PRDM16: variants seen among roughly 807,000 people sequenced by gnomAD.
PRDM16 encodes the protein PR/SET domain 16.
Under a neutral mutation model 110.6 loss-of-function variants are expected in PRDM16, and 23 were observed. That is an observed-to-expected ratio of 0.21 (90% CI 0.15 to 0.29). The LOEUF is 0.29. Ranked by LOEUF, PRDM16 falls within the 10% of genes least tolerant of loss-of-function variation. PRDM16 has a pLI of 1.00. For synonymous variants in PRDM16, 799 were observed against 781.8 expected, an observed-to-expected ratio of 1.02 and a Z score of -0.37; for missense variants, 1,615 against 1,794.3, an observed-to-expected ratio of 0.90 and a Z score of 1.81.
chr1:3,195,090 G>A (rs937895815), intron 2 of PRDM16, among the ~76,000 whole-genome samples: 16 of 152,312 alleles, frequency 1.1e-4, no homozygotes, highest in African/African-American at 2.2e-4. Flanking sequence ...CGGGCAGCTC[G>A]GCGAGGCACA....
In PRDM16 at chr1:3,436,785, C is replaced by T. The variant is rs898909618; in HGVS notation, c.*2974C>T. The T allele has an allele frequency of 6.0e-5, 14 of 233,046 alleles. No individual in the cohort carries two copies. The highest frequency in any genetic ancestry group is 2.6e-4 in the African/African-American group (12 of 45,332). The allele number at this position is 233,046 out of a possible 1,614,324, so 14.4% of individuals were successfully genotyped here. On this transcript the variant is annotated 3_prime_UTR_variant, in exon 17 of 17. Coordinates refer to ENST00000270722, the MANE Select transcript of PRDM16 (RefSeq NM_022114.4). Reference sequence around the variant, plus strand: ...CTGTGCAGCATGGACAGGGATGCGACGGGGCAGCTGGCTGTGTCCATGGCC... The same window carrying T: ...CTGTGCAGCATGGACAGGGATGCGATGGGGCAGCTGGCTGTGTCCATGGCC...
chr1:3,346,744 C>T (rs950286186), intron 3 of PRDM16, among the ~76,000 whole-genome samples: 9 of 152,186 alleles, frequency 5.9e-5, no homozygotes, highest in South Asian at 2.1e-4. Context: ...GCACCCACCC[C>T]ACTGTGAGGT....
At chr1:3,383,787 C>T (rs1643147562) in intron 3 of PRDM16, among the ~76,000 whole-genome samples, 1 of 152,124 alleles carries the variant, frequency 6.6e-6, no homozygotes, top group African/African-American at 2.4e-5. Flanking sequence ...GTCCTTGTGA[C>T]TCCCTTATCC....
intron 3 of PRDM16, among the ~76,000 whole-genome samples, chr1:3,326,746 G>A (rs1199810313): frequency 2.0e-5 from 3 of 152,236 alleles, no homozygotes; most frequent in Non-Finnish European, 4.4e-5. Flanking sequence ...TCTGGCAGTC[G>A]TCTCTCTGGA....
intron 3 of PRDM16, among the ~76,000 whole-genome samples, chr1:3,349,706 C>T (rs370941037): frequency 3.6e-4 from 55 of 152,142 alleles, no homozygotes; most frequent in Admixed American, 1.0e-3. Flanking sequence ...CAATGCACCC[C>T]GGCTTCCTGC....
chr1:3,186,701 C>G (rs370234515), intron 2 of PRDM16: 1 of 463,370 alleles, frequency 2.2e-6, no homozygotes, highest in Non-Finnish European at 3.8e-6. Flanking sequence ...CACGCCCACT[C>G]TCTCCCGGAA....
At chr1:3,340,270 C>T (rs898161595) in intron 3 of PRDM16, among the ~76,000 whole-genome samples, 7 of 152,100 alleles carry the variant, frequency 4.6e-5, no homozygotes, top group African/African-American at 1.7e-4. Context: ...CGAGCCCACC[C>T]TCCAAGCCAC....
chr1:3,149,018 C>T (rs984447731), intron 1 of PRDM16, among the ~76,000 whole-genome samples: 2 of 152,152 alleles, frequency 1.3e-5, no homozygotes, highest in Non-Finnish European at 2.9e-5. Context: ...TTTGGCCACC[C>T]CGGCTTCTGT....
intron 1 of PRDM16, among the ~76,000 whole-genome samples, chr1:3,083,585 C>T (rs1249121693): frequency 3.3e-5 from 3 of 91,264 alleles, no homozygotes; most frequent in East Asian, 4.4e-4. Context: ...GGACACACAG[C>T]GCCTGCTGTC....
At chr1:3,261,127 G>GA (rs36004351) in intron 3 of PRDM16, among the ~76,000 whole-genome samples, 98,966 of 139,298 alleles carry the variant, frequency 0.71, 35,962 homozygotes, top group Non-Finnish European at 0.8. Flanking sequence ...GCATTAACAA[G>GA]AAAAAAAAAA....
At chr1:3,361,329 G>A (rs1041799831) in intron 3 of PRDM16, among the ~76,000 whole-genome samples, 7 of 152,188 alleles carry the variant, frequency 4.6e-5, no homozygotes, top group Non-Finnish European at 7.3e-5. Context: ...TGTTGAAGCC[G>A]TCCAGGACCC....
At chr1:3,147,514 C>T (rs1044619059) in intron 1 of PRDM16, among the ~76,000 whole-genome samples, 3 of 152,104 alleles carry the variant, frequency 2.0e-5, no homozygotes, top group African/African-American at 4.8e-5. Flanking sequence ...GCTATTTCTG[C>T]TGTCTTCTCT....
At position 3,257,120 on chromosome 1, in the gene PRDM16, G is replaced by A. The variant is rs1354169919; in HGVS notation, c.438+12983G>A. On this transcript the variant is annotated intron_variant, in intron 3 of 16. Coordinates refer to ENST00000270722, the MANE Select transcript of PRDM16 (RefSeq NM_022114.4). ...CTGCAGCAAACACTCAGTAAGTGGC[G>A]AAGGTAGTCAATGAACACTGGTAGT... 4.6e-5 allele frequency among the ~76,000 whole-genome samples: 7 copies of A among 152,222 alleles called. No individual in the cohort carries two copies. The East Asian group carries it at 9.6e-4, about 21-fold the overall frequency.
intron 3 of PRDM16, among the ~76,000 whole-genome samples, chr1:3,331,038 C>T (rs1326625678): frequency 6.6e-6 from 1 of 152,248 alleles, no homozygotes; most frequent in African/African-American, 2.4e-5. Context: ...CCCCGCTAAA[C>T]CCCACATTGA....
intron 1 of PRDM16, among the ~76,000 whole-genome samples, chr1:3,167,706 C>A (rs1261287101): frequency 2.8e-5 from 1 of 35,662 alleles, no homozygotes; most frequent in Non-Finnish European, 5.2e-5. Context: ...CATCCTCCCA[C>A]CCCACCCCTG....
chr1:3,253,156 C>A (rs1254722887), intron 3 of PRDM16, among the ~76,000 whole-genome samples: 1 of 151,898 alleles, frequency 6.6e-6, no homozygotes, highest in Non-Finnish European at 1.5e-5. Flanking sequence ...CCCCACCAGG[C>A]CACGTCGGAA....
intron 2 of PRDM16, 134 bp downstream of exon 2, chr1:3,186,608 C>T: frequency 3.3e-6 from 2 of 613,010 alleles, no homozygotes; most frequent in Non-Finnish European, 5.5e-6. Flanking sequence ...GTCACATTTC[C>T]CAGCCTATTT....
At chr1:3,077,074 G>A (rs2993486) in intron 1 of PRDM16, among the ~76,000 whole-genome samples, 129,406 of 152,244 alleles carry the variant, frequency 0.85, 55,204 homozygotes, top group East Asian at 0.98. Context: ...CCAGGCCTGC[G>A]GTTTGCTTTC....
At chr1:3,202,941 T>C (rs55688909) in intron 2 of PRDM16, among the ~76,000 whole-genome samples, 2 of 152,188 alleles carry the variant, frequency 1.3e-5, no homozygotes, top group Non-Finnish European at 2.9e-5. Context: ...ACGTGGCGGT[T>C]GGTGTGGGGG....
Sources: allele counts gnomAD v4.1 joint callset (sites outside exome capture counted in the v4.1 genomes callset), GRCh38; gene constraint gnomAD v4.1.1; transcripts MANE v1.5; gene names NCBI Gene and HGNC (gene_info 2026-07-23, HGNC 2026-07-21).